MTA2: variants seen among roughly 807,000 people sequenced by gnomAD.
The protein encoded by MTA2 is metastasis-associated protein MTA2.
A neutral mutation model predicts 87.1 loss-of-function variants in MTA2; 22 were observed. The ratio of observed to expected loss-of-function variants is 0.25; its 90% CI spans 0.18 to 0.36. The LOEUF is 0.36. Ranked by LOEUF, MTA2 falls within the 10% of genes least tolerant of loss-of-function variation. MTA2 has a pLI of 1.00. For synonymous variants in MTA2, 314 were observed against 310.1 expected (o/e 1.01, Z -0.13); for missense variants, 542 against 853.2 (o/e 0.64, Z 4.54).
Position 62,595,309 on chromosome 11 carries a change from G to C in MTA2, c.1438C>G (p.Arg480Gly). 1 of 1,614,180 alleles carries C rather than the reference G, an allele frequency of 6.2e-7. No homozygotes were observed. The highest frequency in any genetic ancestry group is 8.5e-7 in the Non-Finnish European group (1 of 1,180,032). Residue 480 changes from arginine to glycine, a missense_variant, in exon 14 of 18, where the codon CGA becomes GGA. By Grantham distance (125) the Arg-to-Gly change is moderately radical. This residue lies in a region of MTA2 where 269 missense variants were observed against 346.4 expected (regional missense o/e 0.78). Transcript: ENST00000278823. The surrounding 1 kb of genome is among the most constrained non-coding windows in gnomAD (Gnocchi z 4.9). The stretch of plus-strand genomic sequence containing the variant: ...GCATTGATAGGAGCATAAGGCCGTC[G>C]GGCGGCCCTCCTTGGCTGTAATAGG... ...RDLLQPRRAARRPYAPINANA... is the reference protein window; with the variant it reads ...RDLLQPRRAAGRPYAPINANA...
chr11:62,598,109 G>C lies in MTA2; in HGVS notation c.405C>G (p.Pro135=). 6.2e-7 allele frequency: 1 copy of C among 1,614,010 alleles called. No homozygotes were observed. Among genetic ancestry groups the C allele is most frequent in the African/African-American group, 1.3e-5 (1 of 74,994 alleles). The change falls in exon 6 of 18, where the codon CCC becomes CCG. Residue 135 remains proline, a synonymous_variant. Transcript: ENST00000278823. Reference sequence around the variant, plus strand: ...GATCAGCGAGAAGTGTCTTCTGCACGGGGTCAAACACCAGTGAGTAAAAAA... The same window carrying C: ...GATCAGCGAGAAGTGTCTTCTGCACCGGGTCAAACACCAGTGAGTAAAAAA... ...DCFFYSLVFD[P]VQKTLLADQG...
intron 15 of MTA2, 58 bp downstream of exon 15, chr11:62,594,923 G>A (rs1216966436): frequency 1.8e-5 from 27 of 1,464,662 alleles, no homozygotes; most frequent in Non-Finnish European, 2.4e-5. Flanking sequence ...GGGGAGAGAT[G>A]TCAGACAGGG....
chr11:62,595,938 A>G lies in MTA2; in HGVS notation c.1115-47T>C. ...GGGACAGGGAAGAAGCATACTACCTAAGCCCCTCAGATTCTTGAGCCACAG... is the reference window on the plus strand; with the variant it reads ...GGGACAGGGAAGAAGCATACTACCTGAGCCCCTCAGATTCTTGAGCCACAG... On this transcript the variant is annotated intron_variant, in intron 12 of 17. Transcript: ENST00000278823. This position sits in a 1 kb window ranked among gnomAD's most constrained non-coding sequence, Gnocchi z 4.9. 6.2e-7 allele frequency: 1 copy of G among 1,613,906 alleles called. No homozygotes were observed. Among genetic ancestry groups the G allele is most frequent in the Non-Finnish European group, 8.5e-7 (1 of 1,179,912 alleles).
chr11:62,601,245 C>T, intron 1 of MTA2, 178 bp downstream of exon 1: 1 of 773,946 alleles, frequency 1.3e-6, no homozygotes, highest in Non-Finnish European at 2.0e-6. Flanking sequence ...GTCTCGGAGC[C>T]CTGCCGCGTC....
intron 3 of MTA2, 73 bp downstream of exon 3, chr11:62,600,093 G>T: frequency 7.1e-7 from 1 of 1,401,392 alleles, no homozygotes; most frequent in Non-Finnish European, 1.0e-6. Context: ...TGCTACCAGG[G>T]GAAATACCTG....
chr11:62,597,257 A>C, intron 8 of MTA2, 59 bp downstream of exon 8: 4 of 1,197,996 alleles, frequency 3.3e-6, no homozygotes, highest in Non-Finnish European at 3.6e-6. Flanking sequence ...TTCTGTTCCC[A>C]GGCTCTGCAA....
intron 17 of MTA2, 47 bp from the exon 18 acceptor site, chr11:62,594,087 T>A (rs778044780): frequency 6.4e-7 from 1 of 1,558,380 alleles, no homozygotes; most frequent in Non-Finnish European, 8.7e-7. Flanking sequence ...TAGAGAACAT[T>A]AAGACCTCCA....
chr11:62,594,713 C>G (rs1455781606), intron 15 of MTA2, 79 bp from the exon 16 acceptor site: 3 of 1,366,390 alleles, frequency 2.2e-6, no homozygotes, highest in Admixed American at 1.9e-5. Context: ...CTTCCCTGGA[C>G]CAGCAGTTTA....
In MTA2 at chr11:62,594,453, G is replaced by T. The variant is rs564089515; in HGVS notation, c.1693-46C>A. The stretch of plus-strand genomic sequence containing the variant: ...CACAATGAGGGAAGGGACCCTCTCA[G>T]ACTCCTATGAGAGACAAAAGCCCAC... On this transcript the variant is annotated intron_variant, in intron 16 of 17. Transcript: ENST00000278823. 31 of 1,613,642 alleles carry T rather than the reference G, an allele frequency of 1.9e-5. 1 individual carries two copies. The South Asian group carries it at 3.4e-4, about 18-fold the overall frequency.
In MTA2 at chr11:62,598,110, G is replaced by A. The variant is rs1942123504; in HGVS notation, c.404C>T (p.Pro135Leu). The change falls in exon 6 of 18, where the codon CCC becomes CTC. Residue 135 changes from proline (P) to leucine (L), a missense_variant. Pro to Leu is a moderately conservative substitution (Grantham distance 98). Coordinates refer to ENST00000278823, the MANE Select transcript of MTA2 (RefSeq NM_004739.4). ...ATCAGCGAGAAGTGTCTTCTGCACG[G>A]GGTCAAACACCAGTGAGTAAAAAAA... is the stretch of plus-strand genomic sequence containing the variant. ...DCFFYSLVFD[P>L]VQKTLLADQG... 2 of 1,613,994 alleles carry A rather than the reference G, an allele frequency of 1.2e-6. No individual in the cohort carries two copies. Among genetic ancestry groups the A allele is most frequent in the South Asian group, 2.2e-5 (2 of 91,056 alleles).
At chr11:62,596,890 T>C (rs1942105867) in intron 8 of MTA2, 65 bp from the exon 9 acceptor site, 1 of 1,507,662 alleles carries the variant, frequency 6.6e-7, no homozygotes. Context: ...TCCTGCTCCT[T>C]AAAACACTCC....
rs1269762337 is a variant in MTA2 at position 62,600,068 on chromosome 11, C to T, written c.190+98G>A. Reference sequence around the variant, plus strand: ...GGCATTTCCCACCCCCAAACTCACACCTCTGCCTTGGGCATGCTACCAGGG... The same window carrying T: ...GGCATTTCCCACCCCCAAACTCACATCTCTGCCTTGGGCATGCTACCAGGG... On this transcript the variant is annotated intron_variant, in intron 3 of 17. Coordinates refer to ENST00000278823, the MANE Select transcript of MTA2 (RefSeq NM_004739.4). 2.6e-6 allele frequency: 3 copies of T among 1,147,144 alleles called. No individual in the cohort carries two copies. The African/African-American group carries it at 4.6e-5, about 18-fold the overall frequency. The allele number at this position is 1,147,144 out of a possible 1,614,324, so 71.1% of individuals were successfully genotyped here.
Position 62,597,723 on chromosome 11 carries a change from G to A in MTA2, c.491-11C>T, listed in dbSNP as rs759602042. 6.2e-7 allele frequency: 1 copy of A among 1,611,630 alleles called. No homozygotes were observed. Among genetic ancestry groups the A allele is most frequent in the South Asian group, 1.1e-5 (1 of 90,954 alleles). On this transcript the variant is annotated splice_polypyrimidine_tract_variant and intron_variant, in intron 6 of 17. Transcript: ENST00000278823. ...GATTATCAGATTCTCCTGGGGAAAA[G>A]AACAATGGCATCAACAGGGAGAGGG...
At position 62,600,940 on chromosome 11, in the gene MTA2, TC is replaced by T. The variant is rs529363434; in HGVS notation, c.29-252del. On this transcript the variant is annotated intron_variant, in intron 1 of 17. Transcript: ENST00000278823. ...TAAGGAACAGGCAAGAAGCAGGGGTTCCCCTGCAGTCCCCACAACTCAGCGA... is the reference window on the plus strand; with the variant it reads ...TAAGGAACAGGCAAGAAGCAGGGGTTCCCTGCAGTCCCCACAACTCAGCGA... The T allele has an allele frequency of 1.2e-3, 603 of 513,928 alleles. 1 individual carries two copies. Among genetic ancestry groups the T allele is most frequent in the African/African-American group, 9.7e-3 (504 of 51,822 alleles). 31.8% of individuals were successfully genotyped at this position (513,928 alleles called of 1,614,324 possible). A position where few individuals can be genotyped will look rare whatever the true frequency, so the allele number is the denominator to read the frequency against.
At chr11:62,596,876 C>A (rs774072764) in intron 8 of MTA2, 51 bp from the exon 9 acceptor site, 15 of 1,548,642 alleles carry the variant, frequency 9.7e-6, no homozygotes, top group Non-Finnish European at 1.2e-5. Context: ...TGGCACCACT[C>A]CCTTCCTGCT....
chr11:62,594,416 G>A lies in MTA2; in HGVS notation c.1693-9C>T. ...ACCCCTGCCCCTGCCATCTGGAAAA[G>A]GGGTAGGATGGCACAATGAGGGAAG... On this transcript the variant is annotated splice_polypyrimidine_tract_variant and intron_variant, in intron 16 of 17. Transcript: ENST00000278823. 1 of 1,613,930 alleles carries A rather than the reference G, an allele frequency of 6.2e-7. No individual in the cohort carries two copies.
At chr11:62,600,829 G>A (rs1942176688) in intron 1 of MTA2, 140 bp from the exon 2 acceptor site, 1 of 664,062 alleles carries the variant, frequency 1.5e-6, no homozygotes, top group Non-Finnish European at 2.6e-6. Context: ...AGATGTGAAA[G>A]TGGACAGACT....
In MTA2 at chr11:62,595,388, A is replaced by C; in HGVS notation, c.1359T>G (p.Thr453=). Residue 453 remains threonine, a synonymous_variant, in exon 14 of 18, where the codon ACT becomes ACG. Coordinates refer to ENST00000278823, the MANE Select transcript of MTA2 (RefSeq NM_004739.4). This position sits in a 1 kb window ranked among gnomAD's most constrained non-coding sequence, Gnocchi z 4.9. The stretch of plus-strand genomic sequence containing the variant: ...TCAGCTTTGTGGTCTGAAGCAGGAA[A>C]GTTTGTCTGTTCTTAGCCAGTAGCT... ...RAKLLAKNRQ[T]FLLQTTKLTR... is the part of the protein sequence containing the mutation. 6.2e-7 allele frequency: 1 copy of C among 1,614,194 alleles called. No individual in the cohort carries two copies. The highest frequency in any genetic ancestry group is 8.5e-7 in the Non-Finnish European group (1 of 1,180,038).
In MTA2 at chr11:62,601,570, G is replaced by T; in HGVS notation, c.-120C>A. The T allele has an allele frequency of 8.3e-7, 1 of 1,210,176 alleles. No homozygotes were observed. Among genetic ancestry groups the T allele is most frequent in the Non-Finnish European group, 1.1e-6 (1 of 894,244 alleles). 75.0% of individuals were successfully genotyped at this position (1,210,176 alleles called of 1,614,324 possible). ...GCCGCTTCGAGGGAGTCTCACTGGGGCCCGCGCAGCCGGCACCTCCGCTGC... is the reference window on the plus strand; with the variant it reads ...GCCGCTTCGAGGGAGTCTCACTGGGTCCCGCGCAGCCGGCACCTCCGCTGC... On this transcript the variant is annotated 5_prime_UTR_variant, in exon 1 of 18. Coordinates refer to ENST00000278823, the MANE Select transcript of MTA2 (RefSeq NM_004739.4).
Sources: allele counts gnomAD v4.1 joint callset, GRCh38; gene constraint gnomAD v4.1.1; regional missense constraint gnomAD v4.1.1; non-coding constraint Gnocchi (gnomAD v3.1); transcripts MANE v1.5; gene names NCBI Gene and HGNC (gene_info 2026-07-23, HGNC 2026-07-21).